FRMD4A: variants seen among roughly 807,000 people sequenced by gnomAD.
FRMD4A encodes FERM domain containing 4A.
In FRMD4A, 29 loss-of-function variants were observed where a neutral mutation model predicts 129.1. The observed-to-expected ratio is 0.22, with a 90% CI of 0.17 to 0.31. The LOEUF (loss-of-function observed/expected upper bound fraction) is 0.31. Among genes scored for constraint, FRMD4A ranks in the 10% least tolerant of loss-of-function variants. The pLI is 1.00. For missense variants in FRMD4A, 1,272 were observed against 1,375.8 expected (o/e 0.92, Z 1.19); for synonymous variants, 634 against 571.6 (o/e 1.11, Z -1.56).
intron 6 of FRMD4A, among the ~76,000 whole-genome samples, chr10:13,781,509 C>T (rs1364402744): frequency 6.6e-6 from 1 of 150,952 alleles, no homozygotes; most frequent in African/African-American, 2.4e-5. Context: ...TCCCAAATAC[C>T]TAGAATCACA....
At chr10:13,700,061 CTGAAT>C (rs2086650402) in intron 14 of FRMD4A, among the ~76,000 whole-genome samples, 1 of 152,056 alleles carries the variant, frequency 6.6e-6, no homozygotes, top group African/African-American at 2.4e-5. Context: ...CAATTTAAAA[CTGAAT>C]TATGACTAAA....
intron 2 of FRMD4A, among the ~76,000 whole-genome samples, chr10:13,919,548 T>A (rs888761926): frequency 1.6e-3 from 238 of 152,240 alleles, no homozygotes; most frequent in African/African-American, 4.9e-3. Flanking sequence ...TTAAATTTTT[T>A]AAATTAATTT....
At chr10:14,199,145 G>T (rs1217865764) in intron 2 of FRMD4A, among the ~76,000 whole-genome samples, 1 of 151,710 alleles carries the variant, frequency 6.6e-6, no homozygotes, top group African/African-American at 2.4e-5. Context: ...TTACTGGTTG[G>T]TTTTAAAATT....
intron 2 of FRMD4A, among the ~76,000 whole-genome samples, chr10:14,051,427 G>C (rs1834254276): frequency 6.6e-6 from 1 of 152,196 alleles, no homozygotes. Context: ...CAAAGGAGGA[G>C]AGAATCACGT....
At chr10:14,097,934 T>G (rs1483591946) in intron 2 of FRMD4A, among the ~76,000 whole-genome samples, 1 of 145,838 alleles carries the variant, frequency 6.9e-6, no homozygotes, top group African/African-American at 2.5e-5. Context: ...AAAAATTGTA[T>G]ATTACATATA....
chr10:14,193,241 A>C (rs944307292), intron 2 of FRMD4A, among the ~76,000 whole-genome samples: 2 of 152,206 alleles, frequency 1.3e-5, no homozygotes, highest in Non-Finnish European at 2.9e-5. Context: ...GTTGCCTCTT[A>C]ATTAATCAAT....
chr10:13,761,316 T>C (rs2092064948), intron 8 of FRMD4A, among the ~76,000 whole-genome samples: 1 of 152,218 alleles, frequency 6.6e-6, no homozygotes, highest in Non-Finnish European at 1.5e-5. Context: ...TCTGCAATCA[T>C]ATTTACACCA....
intron 2 of FRMD4A, among the ~76,000 whole-genome samples, chr10:13,864,156 C>T (rs1032416455): frequency 6.6e-6 from 1 of 151,338 alleles, no homozygotes; most frequent in Non-Finnish European, 1.5e-5. Flanking sequence ...CCAACACGCT[C>T]CTGTAATTTT....
chr10:13,865,571 C>T (rs2094356524), intron 2 of FRMD4A, among the ~76,000 whole-genome samples: 1 of 151,858 alleles, frequency 6.6e-6, no homozygotes, highest in South Asian at 2.1e-4. Flanking sequence ...CCACCTCAGC[C>T]TCCTGAGTAT....
chr10:14,260,023 CA>C (rs11288245), intron 2 of FRMD4A, among the ~76,000 whole-genome samples: 61,218 of 132,578 alleles, frequency 0.46, 12,634 homozygotes, highest in Middle Eastern at 0.55. Context: ...CTAGAAATGG[CA>C]AAAAAAAAAA....
rs549160924 is a variant in FRMD4A at position 13,700,186 on chromosome 10, G to C, written c.975+1154C>G. 2.6e-5 allele frequency among the ~76,000 whole-genome samples: 4 copies of C among 151,718 alleles called. 1 individual carries two copies. The South Asian group carries it at 8.3e-4, about 32-fold the overall frequency. On this transcript the variant is annotated intron_variant, in intron 14 of 24. Coordinates refer to ENST00000357447, the MANE Select transcript of FRMD4A (RefSeq NM_018027.5). ...TGGTCTGGAATTCCTGAGCTCAAGT[G>C]ATCCTCCTGCCTTGGCCTCCCGAAG... is the stretch of plus-strand genomic sequence containing the variant.
At chr10:13,974,139 G>A (rs1374971104) in intron 2 of FRMD4A, among the ~76,000 whole-genome samples, 1 of 151,022 alleles carries the variant, frequency 6.6e-6, no homozygotes, top group African/African-American at 2.4e-5. Flanking sequence ...CAGTTCTAAA[G>A]GCATTGTTTT....
intron 2 of FRMD4A, among the ~76,000 whole-genome samples, chr10:14,055,811 C>T (rs1237934799): frequency 2.0e-5 from 3 of 152,210 alleles, no homozygotes; most frequent in African/African-American, 4.8e-5. Flanking sequence ...ACCCCTCAAG[C>T]ATTTATCTTT....
At chr10:14,242,966 G>A (rs1415936673) in intron 2 of FRMD4A, among the ~76,000 whole-genome samples, 1 of 152,184 alleles carries the variant, frequency 6.6e-6, no homozygotes. Context: ...TTTATAAAGG[G>A]TTAAAAGGTG....
At chr10:13,780,318 C>T in intron 6 of FRMD4A, among the ~76,000 whole-genome samples, 1 of 108,926 alleles carries the variant, frequency 9.2e-6, no homozygotes, top group East Asian at 3.3e-4. Flanking sequence ...CAGAGTGAGA[C>T]TGTGTCTCAA....
rs191581640 is a variant in FRMD4A at position 14,038,975 on chromosome 10, T to C, written c.46-180063A>G. On this transcript the variant is annotated intron_variant, in intron 2 of 24. Transcript: ENST00000357447. ...TCTTGAGCATTTTTGAAAGGGCCAG[T>C]GTGGACACCGTTAATTTCTCAGGCA... 3.5e-3 allele frequency among the ~76,000 whole-genome samples: 538 copies of C among 152,336 alleles called. 2 individuals carry two copies. The highest frequency in any genetic ancestry group is 6.3e-3 in the Non-Finnish European group (431 of 68,032).
At chr10:14,240,936 G>A (rs1844020744) in intron 2 of FRMD4A, among the ~76,000 whole-genome samples, 2 of 151,224 alleles carry the variant, frequency 1.3e-5, no homozygotes, top group African/African-American at 4.9e-5. Context: ...AAAAATTCCG[G>A]GCAATTTTGT....
At chr10:14,318,687 T>C (rs573684283) in intron 2 of FRMD4A, among the ~76,000 whole-genome samples, 43 of 151,942 alleles carry the variant, frequency 2.8e-4, no homozygotes, top group African/African-American at 1.0e-3. Flanking sequence ...CAATGTTTCC[T>C]CTGAGTAAAG....
chr10:13,967,476 C>T (rs1003204666), intron 2 of FRMD4A, among the ~76,000 whole-genome samples: 1 of 152,132 alleles, frequency 6.6e-6, no homozygotes, highest in Non-Finnish European at 1.5e-5. Context: ...CACAAACCAC[C>T]GGTGCAGAAC....
Sources: gnomAD v4.1 joint callset for allele counts (sites outside exome capture counted in the v4.1 genomes callset) on GRCh38, gnomAD v4.1.1 for gene constraint, MANE v1.5 for transcripts, NCBI Gene and HGNC (gene_info 2026-07-23, HGNC 2026-07-21) for gene names.